INSC: variants seen among roughly 807,000 people sequenced by gnomAD.
INSC encodes the protein INSC spindle orientation adaptor protein.
INSC carries 67 observed loss-of-function variants against 58.6 expected under a neutral mutation model. The ratio of observed to expected loss-of-function variants is 1.14; its 90% CI spans 0.94 to 1.40. The LOEUF (loss-of-function observed/expected upper bound fraction) is 1.40, where lower values mean the gene tolerates loss of function less well. Among genes scored for constraint, INSC ranks in the 40% most tolerant of loss-of-function variants. INSC has a pLI of 0.00. For missense variants in INSC, 714 were observed against 692.0 expected (o/e 1.03, Z -0.36); for synonymous variants, 262 against 276.1 (o/e 0.95, Z 0.51).
intron 9 of INSC, among the ~76,000 whole-genome samples, chr11:15,226,815 A>AC (rs67143217): frequency 0.99 from 150,829 of 152,278 alleles, 74,714 homozygotes; most frequent in South Asian, 1. Context: ...TTATCTAATG[A>AC]GGTTATTCCT....
intron 6 of INSC, among the ~76,000 whole-genome samples, chr11:15,200,153 T>TCA (rs57120673): frequency 0.16 from 23,269 of 146,700 alleles, 2,368 homozygotes; most frequent in East Asian, 0.56. Context: ...AAGGGTTATA[T>TCA]CACACACACA....
At chr11:15,181,352 C>T (rs548352826) in intron 5 of INSC, among the ~76,000 whole-genome samples, 20 of 152,300 alleles carry the variant, frequency 1.3e-4, no homozygotes, top group African/African-American at 4.3e-4. Context: ...AAATGCAATT[C>T]GAGAAACATT....
rs1333135444 is a variant in INSC, at chr11:15,240,668, T to C, written c.1470+145T>C. ...GCTTTTCTCTTTAGGATTGTGAACA[T>C]TGTAATATTTGTTTCACTTAATTCA... is the stretch of plus-strand genomic sequence containing the variant. On this transcript the variant is annotated intron_variant, in intron 12 of 12. Transcript: ENST00000379556. The C allele has an allele frequency of 2.1e-5, 14 of 654,960 alleles. No homozygotes were observed. In the East Asian group the frequency reaches 3.3e-4, roughly 15 times the overall value. The allele number at this position is 654,960 out of a possible 1,614,324, so 40.6% of individuals were successfully genotyped here.
chr11:15,165,481 G>A (rs922301512), intron 2 of INSC, among the ~76,000 whole-genome samples: 2 of 152,148 alleles, frequency 1.3e-5, no homozygotes, highest in Non-Finnish European at 2.9e-5. Flanking sequence ...GCACTGAGTG[G>A]TTGTATAACT....
chr11:15,136,116 T>C (rs1848239119), intron 1 of INSC, among the ~76,000 whole-genome samples: 1 of 152,200 alleles, frequency 6.6e-6, no homozygotes, highest in African/African-American at 2.4e-5. Flanking sequence ...ATAAAGCCAA[T>C]ATTACAATAA....
chr11:15,119,257 G>T (rs1457059083), intron 1 of INSC, among the ~76,000 whole-genome samples: 2 of 152,208 alleles, frequency 1.3e-5, no homozygotes, highest in Non-Finnish European at 2.9e-5. Flanking sequence ...GGTGGGAAAG[G>T]CCTCCTGGGT....
Position 15,177,149 on chromosome 11 carries a change from G to A in INSC, c.441G>A (p.Ser147=), listed in dbSNP as rs895465296. 8.1e-6 allele frequency: 13 copies of A among 1,613,936 alleles called. No homozygotes were observed. Among genetic ancestry groups the A allele is most frequent in the Middle Eastern group, 1.7e-4 (1 of 6,058 alleles). ...TAATGGAGAAATGCTCGGAGCTCTCGGCAGTCACAGAGAGGTAAATTTGGA... is the reference window on the plus strand; with the variant it reads ...TAATGGAGAAATGCTCGGAGCTCTCAGCAGTCACAGAGAGGTAAATTTGGA... ...KLLMEKCSEL[S]AVTERCLQVE... The change falls in exon 4 of 13, where the codon TCG becomes TCA. Residue 147 remains serine (S), a synonymous_variant. Transcript: ENST00000379556.
intron 1 of INSC, among the ~76,000 whole-genome samples, chr11:15,126,803 C>T (rs776313680): frequency 2.0e-5 from 3 of 152,178 alleles, no homozygotes; most frequent in South Asian, 2.1e-4. Context: ...TCTACCTGAC[C>T]GCCAGGACCA....
At chr11:15,176,773 A>G (rs951809257) in intron 3 of INSC, among the ~76,000 whole-genome samples, 4 of 152,190 alleles carry the variant, frequency 2.6e-5, no homozygotes, top group Non-Finnish European at 5.9e-5. Context: ...ATTTCACATT[A>G]GTGCTTTGCC....
chr11:15,257,904 G>A, the INSC span, among the ~76,000 whole-genome samples: 1 of 152,118 alleles, frequency 6.6e-6, no homozygotes. Flanking sequence ...AAGCCACTTG[G>A]CTTATGGTAC....
At chr11:15,166,843 G>A (rs897425487) in intron 2 of INSC, among the ~76,000 whole-genome samples, 1 of 152,180 alleles carries the variant, frequency 6.6e-6, no homozygotes, top group Non-Finnish European at 1.5e-5. Flanking sequence ...CAGTAACACA[G>A]TCTCTGGAGC....
chr11:15,199,630 G>C (rs958463012), intron 6 of INSC, among the ~76,000 whole-genome samples: 2 of 152,186 alleles, frequency 1.3e-5, no homozygotes, highest in African/African-American at 4.8e-5. Context: ...ATGGTCTTTT[G>C]CTGAACTTGC....
intron 10 of INSC, 34 bp downstream of exon 10, chr11:15,235,702 A>G: frequency 6.5e-7 from 1 of 1,545,122 alleles, no homozygotes; most frequent in Non-Finnish European, 8.9e-7. Context: ...TGTTATGTGG[A>G]TTATCTGGAT....
chr11:15,181,043 T>C (rs2133837555), intron 5 of INSC, among the ~76,000 whole-genome samples: 1 of 152,340 alleles, frequency 6.6e-6, no homozygotes, highest in East Asian at 1.9e-4. Context: ...CTTACATTTG[T>C]GCCGTCTTGA....
At chr11:15,229,550 G>A (rs922727873) in intron 9 of INSC, among the ~76,000 whole-genome samples, 4 of 151,970 alleles carry the variant, frequency 2.6e-5, no homozygotes, top group Non-Finnish European at 4.4e-5. Context: ...CTGTGTAATG[G>A]GGATAATAAC....
At chr11:15,129,435 A>T (rs984914502) in intron 1 of INSC, among the ~76,000 whole-genome samples, 3 of 152,214 alleles carry the variant, frequency 2.0e-5, no homozygotes, top group Admixed American at 6.5e-5. Context: ...TCCTATAGGG[A>T]ATTGATTGGA....
At chr11:15,202,576 C>A (rs934061795) in intron 7 of INSC, among the ~76,000 whole-genome samples, 1 of 152,180 alleles carries the variant, frequency 6.6e-6, no homozygotes, top group African/African-American at 2.4e-5. Context: ...AATTCCCTCC[C>A]TTCTCCTATA....
At chr11:15,132,411 G>T (rs1225449090) in intron 1 of INSC, among the ~76,000 whole-genome samples, 2 of 152,108 alleles carry the variant, frequency 1.3e-5, no homozygotes, top group Non-Finnish European at 2.9e-5. Context: ...TCAGCCTCCT[G>T]AGTAGCTGAA....
intron 1 of INSC, among the ~76,000 whole-genome samples, chr11:15,142,722 G>A (rs543598497): frequency 1.5e-4 from 23 of 152,262 alleles, no homozygotes; most frequent in Non-Finnish European, 2.5e-4. Context: ...GTACGACCAC[G>A]CAGTGAGGAC....
Sources: allele counts gnomAD v4.1 joint callset (sites outside exome capture counted in the v4.1 genomes callset), GRCh38; gene constraint gnomAD v4.1.1; transcripts MANE v1.5; gene names NCBI Gene and HGNC (gene_info 2026-07-23, HGNC 2026-07-21).